The following MRM1 variants were observed in gnomAD, a reference collection of about 807,000 sequenced individuals.
MRM1 encodes rRNA methyltransferase 1, mitochondrial.
MRM1 carries 24 observed loss-of-function variants against 25.0 expected under a neutral mutation model. The observed-to-expected ratio is 0.96, with a 90% confidence interval of 0.69 to 1.35. The LOEUF (loss-of-function observed/expected upper bound fraction) is 1.35. MRM1 is among the 40% of genes most tolerant of loss of function. The pLI, the probability that MRM1 is intolerant of heterozygous loss-of-function variation, is 0.00. For synonymous variants in MRM1, 188 were observed against 199.2 expected, an observed-to-expected ratio of 0.94 and a Z score of 0.47; for missense variants, 431 against 464.1, an observed-to-expected ratio of 0.93 and a Z score of 0.65.
intron 2 of MRM1, among the ~76,000 whole-genome samples, chr17:36,606,769 A>G (rs1264336849): frequency 6.6e-6 from 1 of 151,528 alleles, no homozygotes; most frequent in African/African-American, 2.4e-5. Flanking sequence ...CACCACACCC[A>G]GCTAATTTTT....
At chr17:36,630,380 C>A in the MRM1 span, among the ~76,000 whole-genome samples, 3 of 152,158 alleles carry the variant, frequency 2.0e-5, no homozygotes, top group African/African-American at 7.2e-5. Flanking sequence ...AAATGCATGC[C>A]TTGGAGCTGG....
In MRM1 at chr17:36,602,197, G is replaced by C; in HGVS notation, c.387G>C (p.Arg129=). ...TGGAGGTGAGCCCGCTGCGGCCCCG[G>C]CCTTGGAGAGAGGCCGGGGAGGCGA... ...VCMEVSPLRP[R]PWREAGEASP... Residue 129 remains arginine (R), a synonymous_variant, in exon 1 of 5, where the codon CGG becomes CGC. Coordinates refer to ENST00000614766, the MANE Select transcript of MRM1 (RefSeq NM_024864.5). This position sits in a 1 kb window ranked among gnomAD's most constrained non-coding sequence, Gnocchi z 4.1. 1 of 1,610,618 alleles carries C rather than the reference G, an allele frequency of 6.2e-7. No individual in the cohort carries two copies. Among genetic ancestry groups the C allele is most frequent in the Non-Finnish European group, 8.5e-7 (1 of 1,177,994 alleles).
the MRM1 span, among the ~76,000 whole-genome samples, chr17:36,629,706 C>T: frequency 1.7e-5 from 2 of 117,294 alleles, no homozygotes; most frequent in African/African-American, 3.5e-5. Flanking sequence ...GACCAGAGGG[C>T]AGCTGGAGGG....
At chr17:36,612,712 C>T (rs1319152133), downstream of MRM1, among the ~76,000 whole-genome samples, 4 of 152,208 alleles carry the variant, frequency 2.6e-5, no homozygotes, top group African/African-American at 9.6e-5. Flanking sequence ...GGACATGTCC[C>T]TTAAATTCCA....
At chr17:36,612,585 G>A (rs562518348), downstream of MRM1, among the ~76,000 whole-genome samples, 36 of 152,296 alleles carry the variant, frequency 2.4e-4, no homozygotes, top group African/African-American at 8.2e-4. Context: ...ATCCCCTGCA[G>A]GGCAAAGTTG....
chr17:36,607,695 T>C lies in MRM1; in HGVS notation c.662T>C (p.Val221Ala), dbSNP rs1274376315. 25 of 1,614,032 alleles carry C rather than the reference T, an allele frequency of 1.5e-5. No individual in the cohort carries two copies. Among genetic ancestry groups the C allele is most frequent in the Non-Finnish European group, 2.1e-5 (25 of 1,179,998 alleles). The change falls in exon 3 of 5, where the codon GTG (valine) becomes GCG (alanine). Residue 221 changes from valine (V) to alanine (A), a missense_variant. By Grantham distance (64) the Val-to-Ala change is moderately conservative (BLOSUM62 0). Coordinates refer to ENST00000614766, the MANE Select transcript of MRM1 (RefSeq NM_024864.5). Reference sequence around the variant, plus strand: ...ACCAAAGCCCAGCAGGGCTGGCTCGTGGCCGGCACGGTGGGCTGCCCAAGC... The same window carrying C: ...ACCAAAGCCCAGCAGGGCTGGCTCGCGGCCGGCACGGTGGGCTGCCCAAGC... Reference protein sequence around the residue: ...LQTKAQQGWLVAGTVGCPSTE... With the variant: ...LQTKAQQGWLAAGTVGCPSTE...
At chr17:36,626,074 G>C in the MRM1 span, among the ~76,000 whole-genome samples, 8 of 151,938 alleles carry the variant, frequency 5.3e-5, no homozygotes, top group African/African-American at 1.9e-4. Context: ...GAGGGCGACA[G>C]ACACTGCGGG....
chr17:36,612,238 G>T (rs568449375), downstream of MRM1, among the ~76,000 whole-genome samples: 3 of 152,306 alleles, frequency 2.0e-5, no homozygotes, highest in East Asian at 3.9e-4. Context: ...GCTTAGTCAG[G>T]TACAGGGGGC....
the MRM1 span, among the ~76,000 whole-genome samples, chr17:36,633,412 A>C: frequency 5.9e-5 from 9 of 152,220 alleles, no homozygotes; most frequent in African/African-American, 2.2e-4. Context: ...TCCCTGCCAG[A>C]AACATTCCTG....
intron 2 of MRM1, among the ~76,000 whole-genome samples, chr17:36,603,832 G>A (rs2074904414): frequency 6.6e-6 from 1 of 152,136 alleles, no homozygotes; most frequent in Middle Eastern, 3.2e-3. Flanking sequence ...ATATTGAACA[G>A]CACATATCTA....
the MRM1 span, among the ~76,000 whole-genome samples, chr17:36,617,331 G>A: frequency 4.6e-5 from 7 of 152,216 alleles, no homozygotes; most frequent in African/African-American, 1.7e-4. Flanking sequence ...TGTGCTGGGA[G>A]GCTTGAGAGA....
chr17:36,618,881 G>C, the MRM1 span, among the ~76,000 whole-genome samples: 2 of 152,214 alleles, frequency 1.3e-5, no homozygotes, highest in Admixed American at 1.3e-4. Context: ...GACAGAGCTG[G>C]AACTCAAACC....
chr17:36,608,474 C>T lies in MRM1; in HGVS notation c.*59C>T, dbSNP rs2074951500. On this transcript the variant is annotated 3_prime_UTR_variant, in exon 5 of 5. Coordinates refer to ENST00000614766, the MANE Select transcript of MRM1 (RefSeq NM_024864.5). Reference sequence around the variant, plus strand: ...CAGGGACGGCCGCACCTGCCTCCGCCGGCTCCAGTGTGCGGGGAGCCTCTG... The same window carrying T: ...CAGGGACGGCCGCACCTGCCTCCGCTGGCTCCAGTGTGCGGGGAGCCTCTG... 1.6e-5 allele frequency: 21 copies of T among 1,343,902 alleles called. No individual in the cohort carries two copies. The South Asian group carries it at 3.9e-4, about 25-fold the overall frequency. The allele number at this position is 1,343,902 out of a possible 1,614,324, so 83.2% of individuals were successfully genotyped here. A position where few individuals can be genotyped will look rare whatever the true frequency, so the allele number is the denominator to read the frequency against.
chr17:36,630,679 A>G, the MRM1 span, among the ~76,000 whole-genome samples: 1 of 152,160 alleles, frequency 6.6e-6, no homozygotes, highest in Non-Finnish European at 1.5e-5. Flanking sequence ...GTCCCATTGC[A>G]GGGACTGAGG....
At chr17:36,613,235 A>G (rs1388324351), downstream of MRM1, among the ~76,000 whole-genome samples, 1 of 151,422 alleles carries the variant, frequency 6.6e-6, no homozygotes, top group Non-Finnish European at 1.5e-5. Context: ...TAGACAGCAC[A>G]CCTCCCACCC....
chr17:36,609,188 A>G (rs887067270), downstream of MRM1, among the ~76,000 whole-genome samples: 3 of 152,316 alleles, frequency 2.0e-5, no homozygotes, highest in African/African-American at 7.2e-5. Flanking sequence ...CGTTGATTGT[A>G]CAACCGAGAC....
At chr17:36,625,551 T>C in the MRM1 span, among the ~76,000 whole-genome samples, 1 of 135,772 alleles carries the variant, frequency 7.4e-6, no homozygotes, top group Admixed American at 8.0e-5. Context: ...AAACTCCGCC[T>C]CCTGGGTTCA....
At chr17:36,607,211 GGGCCA>G (rs2074937840) in intron 2 of MRM1, among the ~76,000 whole-genome samples, 1 of 151,878 alleles carries the variant, frequency 6.6e-6, no homozygotes, top group Non-Finnish European at 1.5e-5. Context: ...CACCGTGCCT[GGGCCA>G]GGCTAGTTTT....
chr17:36,602,823 T>C lies in MRM1; in HGVS notation c.636+177T>C. 1.3e-6 allele frequency: 1 copy of C among 741,602 alleles called. No homozygotes were observed. The highest frequency in any genetic ancestry group is 1.6e-6 in the Non-Finnish European group (1 of 607,658). The allele number at this position is 741,602 out of a possible 1,614,324, so 45.9% of individuals were successfully genotyped here. A position where few individuals can be genotyped will look rare whatever the true frequency, so the allele number is the denominator to read the frequency against. Reference sequence around the variant, plus strand: ...AGTTTTTAAAACGGCAAATGGAGCATTAGCTGAATTCTTCCTAGCGTTATA... The same window carrying C: ...AGTTTTTAAAACGGCAAATGGAGCACTAGCTGAATTCTTCCTAGCGTTATA... On this transcript the variant is annotated intron_variant, in intron 2 of 4. Transcript: ENST00000614766. This position sits in a 1 kb window ranked among gnomAD's most constrained non-coding sequence, Gnocchi z 4.1.
Sources: allele counts gnomAD v4.1 joint callset (sites outside exome capture counted in the v4.1 genomes callset), GRCh38; gene constraint gnomAD v4.1.1; non-coding constraint Gnocchi (gnomAD v3.1); transcripts MANE v1.5; gene names NCBI Gene and HGNC (gene_info 2026-07-23, HGNC 2026-07-21).